The following CPNE2 variants were observed in gnomAD, a reference collection of about 807,000 sequenced individuals.
The protein encoded by CPNE2 is copine 2, also known as copine-2.
Under a neutral mutation model 69.7 loss-of-function variants are expected in CPNE2, and 42 were observed. The ratio of observed to expected loss-of-function variants is 0.60; its 90% CI spans 0.47 to 0.78. The LOEUF (loss-of-function observed/expected upper bound fraction) is 0.78. Ranked by LOEUF, CPNE2 falls within the 30% of genes least tolerant of loss-of-function variation. The pLI, the probability that CPNE2 is intolerant of heterozygous loss-of-function variation, is 0.00. For missense variants in CPNE2, 587 were observed against 732.0 expected, an observed-to-expected ratio of 0.80 and a Z score of 2.29; for synonymous variants, 294 against 289.8, an observed-to-expected ratio of 1.01 and a Z score of -0.15.
chr16:57,128,315 C>T (rs142393068), intron 12 of CPNE2, among the ~76,000 whole-genome samples: 152 of 152,224 alleles, frequency 1.0e-3, no homozygotes, highest in Non-Finnish European at 1.8e-3. Context: ...CAGCAACCTC[C>T]GCCTCCCAGG....
rs3054318 is a variant in CPNE2 at position 57,118,648 on chromosome 16, A to AGATGGATGGATGGATGGATGGATG, written c.508-527_508-504dup. On this transcript the variant is annotated intron_variant, in intron 5 of 15. Coordinates refer to ENST00000290776, the MANE Select transcript of CPNE2 (RefSeq NM_152727.6). ...CCTGGGCAATATAGTGAGACCCCAT[A>AGATGGATGGATGGATGGATGGATG]GATGGATGGATGGATGGATGGATGG... 2.8e-5 allele frequency among the ~76,000 whole-genome samples: 4 copies of AGATGGATGGATGGATGGATGGATG among 141,678 alleles called. No homozygotes were observed. In the East Asian group the frequency reaches 8.4e-4, roughly 30 times the overall value. The allele number at this position is 141,678 out of a possible 152,430, so 92.9% of individuals were successfully genotyped here.
intron 5 of CPNE2, among the ~76,000 whole-genome samples, chr16:57,117,780 G>A (rs2069730756): frequency 6.6e-6 from 1 of 152,174 alleles, no homozygotes; most frequent in African/African-American, 2.4e-5. Context: ...AACACACCTG[G>A]AAACCTGCTC....
At chr16:57,124,864 G>T (rs1391638715) in intron 10 of CPNE2, 1 of 232,426 alleles carries the variant, frequency 4.3e-6, no homozygotes, top group East Asian at 1.0e-4. Flanking sequence ...CTGCACAGAG[G>T]CCAGGCCCTC....
Position 57,146,026 on chromosome 16 carries a change from G to A in CPNE2, c.1303-59G>A. The A allele has an allele frequency of 2.1e-6, 3 of 1,411,286 alleles. No homozygotes were observed. The highest frequency in any genetic ancestry group is 1.4e-5 in the African/African-American group (1 of 70,972). The allele number at this position is 1,411,286 out of a possible 1,614,324, so 87.4% of individuals were successfully genotyped here. A position where few individuals can be genotyped will look rare whatever the true frequency, so the allele number is the denominator to read the frequency against. On this transcript the variant is annotated intron_variant, in intron 14 of 15. Coordinates refer to ENST00000290776, the MANE Select transcript of CPNE2 (RefSeq NM_152727.6). This position sits in a 1 kb window ranked among gnomAD's most constrained non-coding sequence, Gnocchi z 4.4. ...GGAGGGTTTGGGATGAAGGAGGGAG[G>A]GAGAAGGGGTGCCAGAGCCTCGACC...
rs375781341 is a variant in CPNE2 at position 57,121,742 on chromosome 16, C to T, written c.849C>T (p.Ile283=). ...AGAACTATAAAAACTCGGGCATCAT[C>T]ATCCTGCGATCCTGCAAGGTGAACC... The part of the protein sequence containing the change: ...KKKNYKNSGI[I]ILRSCKINRD... The change falls in exon 9 of 16, where the codon ATC becomes ATT. Residue 283 remains isoleucine (I), a synonymous_variant. Coordinates refer to ENST00000290776, the MANE Select transcript of CPNE2 (RefSeq NM_152727.6). 4 of 1,614,080 alleles carry T rather than the reference C, an allele frequency of 2.5e-6. No individual in the cohort carries two copies. Among genetic ancestry groups the T allele is most frequent in the Non-Finnish European group, 3.4e-6 (4 of 1,180,038 alleles).
intron 5 of CPNE2, among the ~76,000 whole-genome samples, chr16:57,118,784 A>G (rs1490637845): frequency 6.6e-6 from 1 of 152,200 alleles, no homozygotes; most frequent in African/African-American, 2.4e-5. Flanking sequence ...TCCTTATGTC[A>G]TGTGCAGGAT....
chr16:57,114,142 T>C (rs2069700531), intron 3 of CPNE2, among the ~76,000 whole-genome samples: 2 of 152,180 alleles, frequency 1.3e-5, no homozygotes, highest in Non-Finnish European at 2.9e-5. Flanking sequence ...GGGACTGCCA[T>C]GGTTGTGATG....
rs1442795532 is a variant in CPNE2 at position 57,110,694 on chromosome 16, T to C, written c.-35-14T>C. 6.6e-7 allele frequency: 1 copy of C among 1,506,306 alleles called. No homozygotes were observed. Among genetic ancestry groups the C allele is most frequent in the Non-Finnish European group, 8.9e-7 (1 of 1,121,540 alleles). The allele number at this position is 1,506,306 out of a possible 1,614,324, so 93.3% of individuals were successfully genotyped here. A position where few individuals can be genotyped will look rare whatever the true frequency, so the allele number is the denominator to read the frequency against. On this transcript the variant is annotated splice_polypyrimidine_tract_variant and intron_variant, in intron 1 of 15. Transcript: ENST00000290776. ...TGTCTGTCCACTCTCTGACCCTCAC[T>C]TCTGTTCCCCTAGACTGCCAGGAAC...
chr16:57,115,885 G>A (rs1191890086), intron 4 of CPNE2, among the ~76,000 whole-genome samples: 2 of 152,220 alleles, frequency 1.3e-5, no homozygotes, highest in Admixed American at 1.3e-4. Flanking sequence ...AATGCGCAAC[G>A]ACTCCCGCGA....
At chr16:57,121,546 G>A (rs570152025) in intron 8 of CPNE2, 128 bp from the exon 9 acceptor site, 22 of 908,466 alleles carry the variant, frequency 2.4e-5, no homozygotes, top group Admixed American at 1.3e-4. Flanking sequence ...TGGACATCCT[G>A]GGAGGCTCCC....
Position 57,115,521 on chromosome 16 carries a change from G to T in CPNE2, c.406G>T (p.Asp136Tyr). 1 of 1,612,584 alleles carries T rather than the reference G, an allele frequency of 6.2e-7. No homozygotes were observed. Among genetic ancestry groups the T allele is most frequent in the African/African-American group, 1.3e-5 (1 of 74,984 alleles). The change falls in exon 4 of 16, where the codon GAC becomes TAC. Residue 136 changes from aspartate to tyrosine, a missense_variant. Physicochemically the swap from Asp to Tyr is radical, Grantham distance 160 (BLOSUM62 -3). Transcript: ENST00000290776. ...KITRPLLLLNDKPAGKGLITI... is the reference protein window; with the variant it reads ...KITRPLLLLNYKPAGKGLITI... ...CACTAGGCCTCTGCTGCTGCTGAAT[G>T]ACAAGCCTGCGGGGAAGGGCTTGAT...
chr16:57,119,114 G>A, intron 5 of CPNE2, 81 bp from the exon 6 acceptor site: 3 of 1,234,816 alleles, frequency 2.4e-6, no homozygotes, highest in Non-Finnish European at 3.5e-6. Flanking sequence ...CCCGGCTGGG[G>A]AGGCAGCAGG....
rs1175042784 is a variant in CPNE2, at chr16:57,137,610, G to A, written c.1302+328G>A. On this transcript the variant is annotated intron_variant, in intron 14 of 15. Transcript: ENST00000290776. ...AGGCAGTGATCCCTGAGGCCCTAAC[G>A]CTGACCCTTCTGAGCCACCTAGTTC... 2.6e-5 allele frequency among the ~76,000 whole-genome samples: 4 copies of A among 152,160 alleles called. No homozygotes were observed. In the South Asian group the frequency reaches 6.2e-4, roughly 24 times the overall value.
At position 57,119,608 on chromosome 16, in the gene CPNE2, C is replaced by A; in HGVS notation, c.639C>A (p.Pro213=). ...CTGTGTGGAAGCCATTCACAGTGCC[C>A]TTGGTGTCCCTGTGTGATGGGGACA... ...LDPVWKPFTV[P]LVSLCDGDME... The change falls in exon 7 of 16, where the codon CCC becomes CCA. Residue 213 remains proline (P), a synonymous_variant. Transcript: ENST00000290776. 6.2e-7 allele frequency: 1 copy of A among 1,613,034 alleles called. No homozygotes were observed. Among genetic ancestry groups the A allele is most frequent in the Non-Finnish European group, 8.5e-7 (1 of 1,179,584 alleles).
intron 1 of CPNE2, 97 bp from the exon 2 acceptor site, chr16:57,110,611 C>T (rs951706989): frequency 2.4e-5 from 17 of 713,770 alleles, no homozygotes; most frequent in African/African-American, 3.7e-5. Context: ...TCCATCTCTC[C>T]ACTCACCTCT....
At chr16:57,128,380 C>A (rs1372501507) in intron 12 of CPNE2, among the ~76,000 whole-genome samples, 1 of 152,110 alleles carries the variant, frequency 6.6e-6, no homozygotes. Context: ...CAGGTGCCCA[C>A]CACCACCCCG....
chr16:57,121,239 G>A, intron 8 of CPNE2, 48 bp downstream of exon 8: 2 of 1,548,632 alleles, frequency 1.3e-6, no homozygotes, highest in South Asian at 1.1e-5. Flanking sequence ...GCAGGGCTGG[G>A]GGAAGGGGCA....
At chr16:57,127,998 C>A (rs1250243825) in intron 12 of CPNE2, 95 bp downstream of exon 12, 2 of 1,233,912 alleles carry the variant, frequency 1.6e-6, no homozygotes, top group African/African-American at 1.5e-5. Context: ...TGGGCTGGGG[C>A]CCTGTTGCCC....
intron 14 of CPNE2, among the ~76,000 whole-genome samples, chr16:57,139,779 G>C (rs1384277020): frequency 2.0e-5 from 3 of 152,274 alleles, no homozygotes; most frequent in Admixed American, 2.0e-4. Context: ...GGGAAAAATG[G>C]GTACCCTGGA....
Sources: gnomAD v4.1 joint callset for allele counts (sites outside exome capture counted in the v4.1 genomes callset) on GRCh38, gnomAD v4.1.1 for gene constraint, Gnocchi (gnomAD v3.1) non-coding constraint, MANE v1.5 for transcripts, NCBI Gene and HGNC (gene_info 2026-07-23, HGNC 2026-07-21) for gene names.